PDGFD: variants seen among roughly 807,000 people sequenced by gnomAD.
PDGFD encodes platelet-derived growth factor D.
PDGFD carries 30 observed loss-of-function variants against 44.7 expected under a neutral mutation model. The ratio of observed to expected loss-of-function variants is 0.67; its 90% CI spans 0.50 to 0.91. The LOEUF (loss-of-function observed/expected upper bound fraction) is 0.91, where lower values mean the gene tolerates loss of function less well. Ranked by LOEUF, PDGFD falls within the 40% of genes least tolerant of loss-of-function variation. PDGFD has a pLI of 0.00. For synonymous variants in PDGFD, 173 were observed against 168.4 expected (o/e 1.03, Z -0.21); for missense variants, 445 against 457.8 (o/e 0.97, Z 0.25).
At chr11:104,133,885 C>T (rs529966878) in intron 1 of PDGFD, among the ~76,000 whole-genome samples, 26 of 152,224 alleles carry the variant, frequency 1.7e-4, no homozygotes, top group African/African-American at 6.3e-4. Context: ...TCATGCATAT[C>T]ATTTACCAGG....
intron 1 of PDGFD, chr11:104,036,976 C>T (rs375454517): frequency 2.5e-5 from 41 of 1,614,108 alleles, no homozygotes; most frequent in Non-Finnish European, 3.1e-5. Flanking sequence ...CCACATGGAG[C>T]GACTCCTCAT....
At chr11:103,967,000 T>C (rs1859030370) in intron 3 of PDGFD, among the ~76,000 whole-genome samples, 3 of 152,208 alleles carry the variant, frequency 2.0e-5, no homozygotes, top group South Asian at 4.1e-4. Context: ...GCCTCTCTTC[T>C]GGCTTCATTC....
rs1301878971 is a variant in PDGFD at position 103,982,009 on chromosome 11, T to A, written c.510+14056A>T. Among the ~76,000 whole-genome samples the A allele has an allele frequency of 1.3e-5, 2 of 151,716 alleles. 1 individual carries two copies. The highest frequency in any genetic ancestry group is 4.9e-5 in the African/African-American group (2 of 41,100). ...CTGACTTCAGAATCAGAATACCTGG[T>A]TATATGCTTCATTTCTATTCCACAG... is the stretch of plus-strand genomic sequence containing the variant. On this transcript the variant is annotated intron_variant, in intron 3 of 6. Coordinates refer to ENST00000393158, the MANE Select transcript of PDGFD (RefSeq NM_025208.5).
At chr11:104,105,424 A>T (rs1325447578) in intron 1 of PDGFD, among the ~76,000 whole-genome samples, 1 of 152,214 alleles carries the variant, frequency 6.6e-6, no homozygotes, top group Non-Finnish European at 1.5e-5. Flanking sequence ...AGATGAAGGC[A>T]TTAAAGTTGA....
chr11:104,137,607 T>A (rs1474246475), intron 1 of PDGFD, among the ~76,000 whole-genome samples: 1 of 152,182 alleles, frequency 6.6e-6, no homozygotes, highest in Non-Finnish European at 1.5e-5. Context: ...AGATCTCACT[T>A]TGCCACAGAC....
Position 104,108,525 on chromosome 11 carries a change from G to C in PDGFD, c.124+55279C>G, listed in dbSNP as rs566973087. Among the ~76,000 whole-genome samples, 18 of 152,224 alleles carry C rather than the reference G, an allele frequency of 1.2e-4. 1 individual carries two copies. The South Asian group carries it at 3.7e-3, about 32-fold the overall frequency. On this transcript the variant is annotated intron_variant, in intron 1 of 6. Coordinates refer to ENST00000393158, the MANE Select transcript of PDGFD (RefSeq NM_025208.5). ...GATACCATCTCACGCCAGTTAGAAT[G>C]GCAATCATTAAAAAGTCAGGAAACA...
At chr11:104,052,812 G>C (rs1440085207) in intron 1 of PDGFD, among the ~76,000 whole-genome samples, 2 of 152,070 alleles carry the variant, frequency 1.3e-5, no homozygotes, top group Non-Finnish European at 2.9e-5. Context: ...ATAGAAAAAA[G>C]TCAGAGAAGA....
rs1862432541 is a variant in PDGFD at position 104,164,074 on chromosome 11, A to G, written c.-147T>C. On this transcript the variant is annotated 5_prime_UTR_variant, in exon 1 of 7. Transcript: ENST00000393158. ...TGTGCTAATCGCCGAGCTCTCCCCA[A>G]ACTTCCTGCATGCTGAACTTTCCGA... 4.9e-6 allele frequency: 4 copies of G among 821,258 alleles called. No homozygotes were observed. The highest frequency in any genetic ancestry group is 3.1e-5 in the South Asian group (1 of 32,300). The allele number at this position is 821,258 out of a possible 1,614,324, so 50.9% of individuals were successfully genotyped here.
intron 3 of PDGFD, among the ~76,000 whole-genome samples, chr11:103,950,170 T>C (rs1205366340): frequency 6.6e-6 from 1 of 152,116 alleles, no homozygotes; most frequent in Non-Finnish European, 1.5e-5. Context: ...GTTGACCATG[T>C]GTTAAAATCA....
At chr11:103,915,611 CA>C (rs1212430122) in intron 6 of PDGFD, among the ~76,000 whole-genome samples, 1 of 151,864 alleles carries the variant, frequency 6.6e-6, no homozygotes, top group East Asian at 1.9e-4. Context: ...CATATGGAAC[CA>C]AAAAAAGAGC....
chr11:104,091,147 C>T (rs1257128657), intron 1 of PDGFD, among the ~76,000 whole-genome samples: 2 of 152,110 alleles, frequency 1.3e-5, no homozygotes, highest in Admixed American at 1.3e-4. Flanking sequence ...CAGTATTTGG[C>T]TAAAACCATG....
chr11:103,921,471 A>C (rs1045654297), intron 6 of PDGFD, among the ~76,000 whole-genome samples: 33 of 152,166 alleles, frequency 2.2e-4, no homozygotes, highest in Non-Finnish European at 7.3e-5. Flanking sequence ...GTATTACTCT[A>C]ACCTCATATT....
intron 1 of PDGFD, among the ~76,000 whole-genome samples, chr11:104,014,696 T>C (rs1476773046): frequency 6.6e-6 from 1 of 152,172 alleles, no homozygotes; most frequent in Non-Finnish European, 1.5e-5. Flanking sequence ...TGAAGCCAAA[T>C]AGGCATCTTC....
At chr11:104,025,933 C>T (rs1805811601) in intron 1 of PDGFD, among the ~76,000 whole-genome samples, 1 of 152,312 alleles carries the variant, frequency 6.6e-6, no homozygotes, top group South Asian at 2.1e-4. Flanking sequence ...ACCCACATAT[C>T]TGTTAGGCAC....
intron 1 of PDGFD, among the ~76,000 whole-genome samples, chr11:104,079,752 T>C (rs1280736730): frequency 6.6e-6 from 1 of 151,682 alleles, no homozygotes; most frequent in Non-Finnish European, 1.5e-5. Flanking sequence ...TACCAATACA[T>C]CTATAGTGAT....
chr11:104,137,427 TG>T (rs1862023799), intron 1 of PDGFD, among the ~76,000 whole-genome samples: 2 of 151,848 alleles, frequency 1.3e-5, no homozygotes, highest in East Asian at 3.9e-4. Flanking sequence ...TCATGGGAAC[TG>T]GGATATATTG....
At chr11:103,980,948 T>C (rs1372799031) in intron 3 of PDGFD, among the ~76,000 whole-genome samples, 1 of 152,068 alleles carries the variant, frequency 6.6e-6, no homozygotes, top group Admixed American at 6.6e-5. Flanking sequence ...AGCCACGAAG[T>C]CTAAGGTACT....
At chr11:104,104,248 T>G (rs866285413) in intron 1 of PDGFD, among the ~76,000 whole-genome samples, 10 of 152,186 alleles carry the variant, frequency 6.6e-5, no homozygotes, top group African/African-American at 2.2e-4. Flanking sequence ...TCAAAAAGTT[T>G]AAAAGATGAC....
intron 1 of PDGFD, among the ~76,000 whole-genome samples, chr11:104,146,295 T>C (rs1264137693): frequency 1.3e-5 from 2 of 152,164 alleles, no homozygotes; most frequent in Admixed American, 6.5e-5. Flanking sequence ...CTTTGGAATA[T>C]ATATATCTCA....
Sources: allele counts gnomAD v4.1 joint callset (sites outside exome capture counted in the v4.1 genomes callset), GRCh38; gene constraint gnomAD v4.1.1; transcripts MANE v1.5; gene names NCBI Gene and HGNC (gene_info 2026-07-23, HGNC 2026-07-21).